SCIN: variants seen among roughly 807,000 people sequenced by gnomAD.
SCIN encodes adseverin.
Under a neutral mutation model 91.8 loss-of-function variants are expected in SCIN, and 91 were observed. The observed-to-expected ratio is 0.99, with a 90% CI of 0.84 to 1.18. The LOEUF is 1.18. Ranked by LOEUF, SCIN falls within the 50% of genes most tolerant of loss-of-function variation. The pLI is 0.00. For missense variants in SCIN, 1,087 were observed against 863.9 expected (o/e 1.26, Z -3.24); for synonymous variants, 367 against 312.6 (o/e 1.17, Z -1.84).
At chr7:12,643,359 G>A (rs969918792) in intron 11 of SCIN, among the ~76,000 whole-genome samples, 1 of 152,012 alleles carries the variant, frequency 6.6e-6, no homozygotes, top group African/African-American at 2.4e-5. Flanking sequence ...CCATCATCCG[G>A]GCTCTTTCCT....
At chr7:12,627,270 C>A (rs1013834871) in intron 8 of SCIN, among the ~76,000 whole-genome samples, 3 of 152,128 alleles carry the variant, frequency 2.0e-5, no homozygotes, top group Non-Finnish European at 2.9e-5. Context: ...GTCATCTTGG[C>A]TTCACCCTTC....
chr7:12,608,040 A>G (rs1198545097), intron 4 of SCIN, among the ~76,000 whole-genome samples: 1 of 152,210 alleles, frequency 6.6e-6, no homozygotes, highest in Non-Finnish European at 1.5e-5. Flanking sequence ...GCTATTGTAC[A>G]CAACCTCAAA....
intron 4 of SCIN, among the ~76,000 whole-genome samples, chr7:12,605,111 G>C (rs1422271678): frequency 2.0e-5 from 3 of 151,978 alleles, no homozygotes; most frequent in Admixed American, 6.5e-5. Flanking sequence ...GAGTGCAGTG[G>C]CACGATCTCC....
chr7:12,609,392 C>G (rs1783145900), intron 4 of SCIN, among the ~76,000 whole-genome samples: 4 of 152,056 alleles, frequency 2.6e-5, no homozygotes, highest in Admixed American at 1.3e-4. Context: ...CGTGATCTTT[C>G]TTCTTTTCAT....
chr7:12,572,690 C>T (rs947367839), intron 1 of SCIN, among the ~76,000 whole-genome samples: 1 of 152,166 alleles, frequency 6.6e-6, no homozygotes, highest in Non-Finnish European at 1.5e-5. Flanking sequence ...TAATTATCTA[C>T]TTAATTATCC....
At position 12,604,666 on chromosome 7, in the gene SCIN, A is replaced by G. The variant is rs1394469568; in HGVS notation, c.666+3A>G. 6.4e-7 allele frequency: 1 copy of G among 1,551,410 alleles called. No homozygotes were observed. The highest frequency in any genetic ancestry group is 8.7e-7 in the Non-Finnish European group (1 of 1,146,742). ...GTGAACCCTCAGAACTTATAAAGGT[A>G]TTGTGACTCCTGTTGTTTGTTAAAG... On this transcript the variant is annotated splice_donor_region_variant and intron_variant, in intron 4 of 15. Coordinates refer to ENST00000297029, the MANE Select transcript of SCIN (RefSeq NM_001112706.3).
intron 1 of SCIN, among the ~76,000 whole-genome samples, chr7:12,575,239 C>CTT (rs545984242): frequency 5.8e-5 from 8 of 136,982 alleles, no homozygotes; most frequent in African/African-American, 1.6e-4. Context: ...GGAGAGTTTT[C>CTT]TTTTTTTTTT....
At chr7:12,591,315 G>T (rs780682976) in intron 3 of SCIN, among the ~76,000 whole-genome samples, 1 of 152,140 alleles carries the variant, frequency 6.6e-6, no homozygotes, top group South Asian at 2.1e-4. Context: ...AGGAGATCTT[G>T]TAGATTATGA....
At position 12,658,102 on chromosome 7, in the gene SCIN, C is replaced by CTTATTAAATTATTAAATTAT. The variant is rs1784204157; in HGVS notation, c.*5388_*5389insTATTAAATTATTAAATTATT. ...AAATATCCCTGCAAGTTCACTGTGA[C>CTTATTAAATTATTAAATTAT]TCAATCTAAGGTTTTAATAATTCAT... On this transcript the variant is annotated 3_prime_UTR_variant, in exon 16 of 16. Transcript: ENST00000297029. 6.6e-6 allele frequency: 1 copy of CTTATTAAATTATTAAATTAT among 152,208 alleles called. No individual in the cohort carries two copies. The highest frequency in any genetic ancestry group is 2.4e-5 in the African/African-American group (1 of 41,450). The allele number at this position is 152,208 out of a possible 1,614,324, so 9.4% of individuals were successfully genotyped here.
At chr7:12,588,169 T>A (rs755414422) in intron 3 of SCIN, among the ~76,000 whole-genome samples, 71 of 152,266 alleles carry the variant, frequency 4.7e-4, no homozygotes, top group South Asian at 8.3e-4. Context: ...CTTGAGGCAA[T>A]AAGAATGGAT....
chr7:12,624,672 G>A (rs1448350650), intron 5 of SCIN, among the ~76,000 whole-genome samples: 1 of 152,092 alleles, frequency 6.6e-6, no homozygotes, highest in Non-Finnish European at 1.5e-5. Context: ...GTACATAAGA[G>A]CATCTGAATA....
chr7:12,646,491 G>A (rs1783967959), intron 13 of SCIN, among the ~76,000 whole-genome samples: 1 of 152,140 alleles, frequency 6.6e-6, no homozygotes, highest in South Asian at 2.1e-4. Flanking sequence ...CATGCCATTG[G>A]AGGCTAGGGG....
At chr7:12,634,822 T>C (rs1783714046) in intron 9 of SCIN, among the ~76,000 whole-genome samples, 1 of 152,204 alleles carries the variant, frequency 6.6e-6, no homozygotes, top group African/African-American at 2.4e-5. Context: ...AGGCTACGAA[T>C]GAACTGGACA....
intron 10 of SCIN, 28 bp downstream of exon 10, chr7:12,636,163 A>G: frequency 6.4e-7 from 1 of 1,554,100 alleles, no homozygotes; most frequent in Non-Finnish European, 8.8e-7. Flanking sequence ...CCCAAAACTC[A>G]CACAAGTTAA....
intron 6 of SCIN, among the ~76,000 whole-genome samples, chr7:12,625,431 CTTTTTT>C (rs10656602): frequency 2.1e-5 from 2 of 97,556 alleles, no homozygotes; most frequent in African/African-American, 8.2e-5. Flanking sequence ...TTTTGCTATT[CTTTTTT>C]TTTTTTTTTT....
chr7:12,593,383 C>T (rs1562602840), intron 3 of SCIN, among the ~76,000 whole-genome samples: 2 of 151,956 alleles, frequency 1.3e-5, no homozygotes, highest in Non-Finnish European at 1.5e-5. Flanking sequence ...GAGCCATCTT[C>T]AGCCTTTTTA....
At chr7:12,621,657 T>G (rs1783411503) in intron 4 of SCIN, among the ~76,000 whole-genome samples, 1 of 82,072 alleles carries the variant, frequency 1.2e-5, no homozygotes, top group South Asian at 4.5e-4. Context: ...TTTTTTTTTT[T>G]GCTTGATTCT....
chr7:12,634,898 T>C (rs1462432503), intron 9 of SCIN, among the ~76,000 whole-genome samples: 1 of 152,060 alleles, frequency 6.6e-6, no homozygotes, highest in Non-Finnish European at 1.5e-5. Context: ...AATAATTCCT[T>C]ATGGTGGGAA....
rs1315570794 is a variant in SCIN, at chr7:12,601,034, A to AG, written c.517-3479dup. Reference sequence around the variant, plus strand: ...AGCAATAGAAGTGCACTATTCTTTTAGAAATAGGAAAGAAACACCCTTTGA... The same window carrying AG: ...AGCAATAGAAGTGCACTATTCTTTTAGGAAATAGGAAAGAAACACCCTTTGA... On this transcript the variant is annotated intron_variant, in intron 3 of 15. Transcript: ENST00000297029. Among the ~76,000 whole-genome samples the AG allele has an allele frequency of 2.6e-5, 4 of 152,254 alleles. No homozygotes were observed. In the East Asian group the frequency reaches 7.7e-4, roughly 29 times the overall value.
Sources: allele counts gnomAD v4.1 joint callset (sites outside exome capture counted in the v4.1 genomes callset), GRCh38; gene constraint gnomAD v4.1.1; transcripts MANE v1.5; gene names NCBI Gene and HGNC (gene_info 2026-07-23, HGNC 2026-07-21).